Variants in ABHD13 observed in about 807,000 individuals in gnomAD.
The protein encoded by ABHD13 is protein ABHD13.
A neutral mutation model predicts 25.2 loss-of-function variants in ABHD13; 7 were observed. The observed-to-expected ratio is 0.28, with a 90% CI of 0.16 to 0.52. The LOEUF is 0.52. ABHD13 is among the 20% of genes least tolerant of loss of function. The pLI is 0.96. For synonymous variants in ABHD13, 133 were observed against 136.1 expected (o/e 0.98, Z 0.16); for missense variants, 302 against 402.7 (o/e 0.75, Z 2.14).
At position 108,232,477 on chromosome 13, in the gene ABHD13, T is replaced by G. The variant is rs1375477000; in HGVS notation, c.*2245T>G. 6.0e-6 allele frequency: 1 copy of G among 166,940 alleles called. No homozygotes were observed. The highest frequency in any genetic ancestry group is 1.9e-4 in the East Asian group (1 of 5,196). 10.3% of individuals were successfully genotyped at this position (166,940 alleles called of 1,614,324 possible). ...AAACAAACTTAGTATCAGGGGTCCA[T>G]GAAGCCCATGGCATCATTTTTGAAA... On this transcript the variant is annotated 3_prime_UTR_variant, in exon 2 of 2. Coordinates refer to ENST00000375898, the MANE Select transcript of ABHD13 (RefSeq NM_032859.3).
rs1393746948 is a variant in ABHD13 at position 108,229,980 on chromosome 13, T to C, written c.762T>C (p.Ser254=). ...AATTTTTGTCCTACAGAAAAATCTC[T>C]CAGTGTAGAATGCCTTCACTTTTCA... ...KNKFLSYRKI[S]QCRMPSLFIS... Residue 254 remains serine, a synonymous_variant, in exon 2 of 2, where the codon TCT becomes TCC. Coordinates refer to ENST00000375898, the MANE Select transcript of ABHD13 (RefSeq NM_032859.3). This position sits in a 1 kb window ranked among gnomAD's most constrained non-coding sequence, Gnocchi z 4.7. 1 of 1,613,148 alleles carries C rather than the reference T, an allele frequency of 6.2e-7. No homozygotes were observed. The highest frequency in any genetic ancestry group is 8.5e-7 in the Non-Finnish European group (1 of 1,179,432).
intron 1 of ABHD13, among the ~76,000 whole-genome samples, chr13:108,228,267 T>C (rs1294442986): frequency 2.6e-5 from 4 of 151,552 alleles, no homozygotes; most frequent in Non-Finnish European, 5.9e-5. Flanking sequence ...GTGAGTCATT[T>C]TACTTTATTT....
chr13:108,229,389 G>C lies in ABHD13; in HGVS notation c.171G>C (p.Leu57=). 1.2e-6 allele frequency: 2 copies of C among 1,612,530 alleles called. No homozygotes were observed. Reference sequence around the variant, plus strand: ...TATTCATATCAATAGCAGGTATTCTGTATAAATTCCAGGATGTATTGCTTT... The same window carrying C: ...TATTCATATCAATAGCAGGTATTCTCTATAAATTCCAGGATGTATTGCTTT... ...LLIFISIAGI[L]YKFQDVLLYF... Residue 57 remains leucine (L), a synonymous_variant, in exon 2 of 2, where the codon CTG becomes CTC. Transcript: ENST00000375898. The surrounding 1 kb of genome is among the most constrained non-coding windows in gnomAD (Gnocchi z 4.7).
In ABHD13 at chr13:108,230,253, G is replaced by A; in HGVS notation, c.*21G>A. The A allele has an allele frequency of 6.6e-7, 1 of 1,520,664 alleles. No homozygotes were observed. The highest frequency in any genetic ancestry group is 8.9e-7 in the Non-Finnish European group (1 of 1,126,194). 94.2% of individuals were successfully genotyped at this position (1,520,664 alleles called of 1,614,324 possible). ...TATAATGTTTCCCTTTTTGATTATT[G>A]CATTGTATTTTAATTTGTGCAGAAT... On this transcript the variant is annotated 3_prime_UTR_variant, in exon 2 of 2. Coordinates refer to ENST00000375898, the MANE Select transcript of ABHD13 (RefSeq NM_032859.3).
In ABHD13 at chr13:108,232,552, T is replaced by C. The variant is rs967143079; in HGVS notation, c.*2320T>C. ...CAATTGGTTTTAGTAAAATGAGACTTCTTCAGGAGTCACTCCTTTACTGTG... is the reference window on the plus strand; with the variant it reads ...CAATTGGTTTTAGTAAAATGAGACTCCTTCAGGAGTCACTCCTTTACTGTG... On this transcript the variant is annotated 3_prime_UTR_variant, in exon 2 of 2. Transcript: ENST00000375898. 1.8e-5 allele frequency: 3 copies of C among 166,902 alleles called. No individual in the cohort carries two copies. The highest frequency in any genetic ancestry group is 7.2e-5 in the African/African-American group (3 of 41,436). 10.3% of individuals were successfully genotyped at this position (166,902 alleles called of 1,614,324 possible). A position where few individuals can be genotyped will look rare whatever the true frequency, so the allele number is the denominator to read the frequency against.
chr13:108,226,861 T>C (rs1434504482), intron 1 of ABHD13, among the ~76,000 whole-genome samples: 2 of 152,092 alleles, frequency 1.3e-5, no homozygotes, highest in African/African-American at 4.8e-5. Flanking sequence ...TCATACAGAC[T>C]AGGGAACAGA....
intron 1 of ABHD13, among the ~76,000 whole-genome samples, chr13:108,228,599 TTTTG>T (rs1292018318): frequency 2.0e-5 from 3 of 151,964 alleles, no homozygotes; most frequent in African/African-American, 7.2e-5. Context: ...AGTTGTTTTT[TTTTG>T]TTTTATTTTG....
Position 108,232,789 on chromosome 13 carries a change from G to C in ABHD13, c.*2557G>C, listed in dbSNP as rs942441977. On this transcript the variant is annotated 3_prime_UTR_variant, in exon 2 of 2. Coordinates refer to ENST00000375898, the MANE Select transcript of ABHD13 (RefSeq NM_032859.3). ...ATCCATTATTTTAAAGGGAATGATT[G>C]GGGGGAAAAACTGGTGAAAAAGAAA... 1 of 166,672 alleles carries C rather than the reference G, an allele frequency of 6.0e-6. No individual in the cohort carries two copies. The highest frequency in any genetic ancestry group is 2.4e-5 in the African/African-American group (1 of 41,384). The allele number at this position is 166,672 out of a possible 1,614,324, so 10.3% of individuals were successfully genotyped here. A position where few individuals can be genotyped will look rare whatever the true frequency, so the allele number is the denominator to read the frequency against.
At position 108,224,980 on chromosome 13, in the gene ABHD13, ACACT is replaced by A. The variant is rs1266483827; in HGVS notation, c.-20-4214_-20-4211del. ...CTTTCAGTAGATTATTTTTTGAGAC[ACACT>A]CACTAATATCAATGTGACACCTCAA... On this transcript the variant is annotated intron_variant, in intron 1 of 1. Coordinates refer to ENST00000375898, the MANE Select transcript of ABHD13 (RefSeq NM_032859.3). 9.2e-5 allele frequency among the ~76,000 whole-genome samples: 14 copies of A among 151,946 alleles called. No individual in the cohort carries two copies. The East Asian group carries it at 9.6e-4, about 10-fold the overall frequency.
intron 1 of ABHD13, among the ~76,000 whole-genome samples, chr13:108,228,531 T>TA (rs1879720189): frequency 6.6e-6 from 1 of 151,928 alleles, no homozygotes; most frequent in Non-Finnish European, 1.5e-5. Flanking sequence ...GCAAATTATT[T>TA]AAGTTTAGTA....
intron 1 of ABHD13, among the ~76,000 whole-genome samples, chr13:108,221,284 G>C (rs562199253): frequency 6.6e-6 from 1 of 152,316 alleles, no homozygotes; most frequent in East Asian, 1.9e-4. Flanking sequence ...TCATTCTGTG[G>C]TGTCTCCAAC....
intron 1 of ABHD13, among the ~76,000 whole-genome samples, chr13:108,222,595 G>A (rs751497663): frequency 2.0e-5 from 3 of 151,910 alleles, no homozygotes; most frequent in South Asian, 2.1e-4. Flanking sequence ...AGATTTTTTT[G>A]TATGTATGTG....
Position 108,224,299 on chromosome 13 carries a change from A to G in ABHD13, c.-20-4900A>G, listed in dbSNP as rs539341190. Among the ~76,000 whole-genome samples the G allele has an allele frequency of 5.3e-5, 8 of 152,278 alleles. No homozygotes were observed. The South Asian group carries it at 8.3e-4, about 16-fold the overall frequency. On this transcript the variant is annotated intron_variant, in intron 1 of 1. Coordinates refer to ENST00000375898, the MANE Select transcript of ABHD13 (RefSeq NM_032859.3). ...GTAGATCACAAGCTACTTGAGAGCA[A>G]GGACTGTATAGTATACTAGGATGCA...
Position 108,230,469 on chromosome 13 carries a change from G to T in ABHD13, c.*237G>T. Reference sequence around the variant, plus strand: ...GTGTGATTATGTATTCATATCTTCAGTTTAATATGTCAGTATAATAGATAT... The same window carrying T: ...GTGTGATTATGTATTCATATCTTCATTTTAATATGTCAGTATAATAGATAT... On this transcript the variant is annotated 3_prime_UTR_variant, in exon 2 of 2. Transcript: ENST00000375898. The T allele has an allele frequency of 2.4e-6, 1 of 409,080 alleles. No individual in the cohort carries two copies. The highest frequency in any genetic ancestry group is 3.6e-5 in the South Asian group (1 of 27,512). The allele number at this position is 409,080 out of a possible 1,614,324, so 25.3% of individuals were successfully genotyped here.
At chr13:108,220,328 T>G (rs966271264) in intron 1 of ABHD13, among the ~76,000 whole-genome samples, 9 of 152,222 alleles carry the variant, frequency 5.9e-5, no homozygotes, top group Non-Finnish European at 1.5e-5. Context: ...TAAGAGGGTT[T>G]ACTAACCAAA....
chr13:108,219,520 A>G (rs1297059310), intron 1 of ABHD13, among the ~76,000 whole-genome samples: 1 of 152,180 alleles, frequency 6.6e-6, no homozygotes, highest in Non-Finnish European at 1.5e-5. Context: ...CTCGTCTTTG[A>G]CTAAAATATC....
chr13:108,222,861 A>C (rs7998691), intron 1 of ABHD13, among the ~76,000 whole-genome samples: 18,251 of 152,288 alleles, frequency 0.12, 1,241 homozygotes, highest in Admixed American at 0.17. Context: ...TCTGCCTCAT[A>C]GAAGACAGGC....
chr13:108,226,846 A>G (rs1025772116), intron 1 of ABHD13, among the ~76,000 whole-genome samples: 1 of 152,148 alleles, frequency 6.6e-6, no homozygotes, highest in Admixed American at 6.6e-5. Context: ...AGATGGAAAT[A>G]TATATCATAC....
rs138545969 is a variant in ABHD13 at position 108,229,407 on chromosome 13, A to G, written c.189A>G (p.Val63=). The change falls in exon 2 of 2, where the codon GTA becomes GTG. Residue 63 remains valine (V), a synonymous_variant. Transcript: ENST00000375898. This position sits in a 1 kb window ranked among gnomAD's most constrained non-coding sequence, Gnocchi z 4.7. ...GTATTCTGTATAAATTCCAGGATGTATTGCTTTATTTTCCAGAACAGCCAT... is the reference window on the plus strand; with the variant it reads ...GTATTCTGTATAAATTCCAGGATGTGTTGCTTTATTTTCCAGAACAGCCAT... The part of the protein sequence containing the change: ...IAGILYKFQD[V]LLYFPEQPSS... 1 of 1,612,404 alleles carries G rather than the reference A, an allele frequency of 6.2e-7. No individual in the cohort carries two copies. The highest frequency in any genetic ancestry group is 8.5e-7 in the Non-Finnish European group (1 of 1,179,144).
Sources: gnomAD v4.1 joint callset for allele counts (sites outside exome capture counted in the v4.1 genomes callset) on GRCh38, gnomAD v4.1.1 for gene constraint, Gnocchi (gnomAD v3.1) non-coding constraint, MANE v1.5 for transcripts, NCBI Gene and HGNC (gene_info 2026-07-23, HGNC 2026-07-21) for gene names.